GON4L: variants seen among roughly 807,000 people sequenced by gnomAD.
GON4L encodes the protein gon-4 like.
A neutral mutation model predicts 211.8 loss-of-function variants in GON4L; 87 were observed. The ratio of observed to expected loss-of-function variants is 0.41; its 90% CI spans 0.35 to 0.49. The LOEUF (loss-of-function observed/expected upper bound fraction) is 0.49. Among genes scored for constraint, GON4L ranks in the 20% least tolerant of loss-of-function variants. The pLI, the probability that GON4L is intolerant of heterozygous loss-of-function variation, is 0.15. For missense variants in GON4L, 2,155 were observed against 2,659.5 expected, an observed-to-expected ratio of 0.81 and a Z score of 4.17; for synonymous variants, 875 against 962.6, an observed-to-expected ratio of 0.91 and a Z score of 1.68.
chr1:155,771,274 T>G, intron 18 of GON4L, 57 bp from the exon 19 acceptor site: 1 of 1,605,738 alleles, frequency 6.2e-7, no homozygotes, highest in East Asian at 2.2e-5. Context: ...CTAAAGGGTC[T>G]CCCCAGACTA....
Position 155,753,209 on chromosome 1 carries a change from A to G in GON4L, c.5837T>C (p.Val1946Ala). The G allele has an allele frequency of 6.2e-7, 1 of 1,601,496 alleles. No homozygotes were observed. Among genetic ancestry groups the G allele is most frequent in the Non-Finnish European group, 8.5e-7 (1 of 1,173,736 alleles). ...TGCGTTGGCAAATCACTCACCTGAA[A>G]CAGGCATCTCTCCCTTTCTGGTGGT... ...VRTTRKGEMPVSAGLAVGSTL... is the reference protein window; with the variant it reads ...VRTTRKGEMPASAGLAVGSTL... Residue 1946 changes from valine (V) to alanine (A), a missense_variant, in exon 29 of 32, where the codon GTT becomes GCT. Around this residue, in one of 6 missense-constraint regions of GON4L, gnomAD observed 455 missense variants for 504.6 expected, o/e 0.90. Transcript: ENST00000368331.
intron 2 of GON4L, among the ~76,000 whole-genome samples, chr1:155,828,307 G>GA (rs1280837960): frequency 6.6e-6 from 1 of 151,946 alleles, no homozygotes; most frequent in Non-Finnish European, 1.5e-5. Context: ...TGGCCAACAT[G>GA]ATGAAACCTC....
At chr1:155,854,402 G>A (rs995135268) in intron 1 of GON4L, among the ~76,000 whole-genome samples, 2 of 152,210 alleles carry the variant, frequency 1.3e-5, no homozygotes, top group South Asian at 2.1e-4. Flanking sequence ...AGATCCACCC[G>A]CCTCGGCCTC....
chr1:155,845,459 G>A lies in GON4L; in HGVS notation c.505+7817C>T, dbSNP rs947713072. ...GGATCATTTCAACAGAATCAGCAAG[G>A]TTGGAAACCAGAAATGCATTCTTCA... On this transcript the variant is annotated intron_variant, in intron 2 of 31. Transcript: ENST00000368331. 9 of 348,728 alleles carry A rather than the reference G, an allele frequency of 2.6e-5. No homozygotes were observed. In the Admixed American group the frequency reaches 3.1e-4, roughly 12 times the overall value. The allele number at this position is 348,728 out of a possible 1,614,324, so 21.6% of individuals were successfully genotyped here. A position where few individuals can be genotyped will look rare whatever the true frequency, so the allele number is the denominator to read the frequency against.
rs370602869 is a variant in GON4L, at chr1:155,817,921, C to T, written c.1015-1659G>A. Among the ~76,000 whole-genome samples the T allele has an allele frequency of 1.7e-3, 218 of 125,534 alleles. 1 individual carries two copies. The highest frequency in any genetic ancestry group is 6.2e-3 in the African/African-American group (205 of 32,964). The allele number at this position is 125,534 out of a possible 152,430, so 82.4% of individuals were successfully genotyped here. On this transcript the variant is annotated intron_variant, in intron 6 of 31. Coordinates refer to ENST00000368331, the MANE Select transcript of GON4L (RefSeq NM_001282860.2). Reference sequence around the variant, plus strand: ...CTAGCCTGAGCAACAGAGCAAGTCACTGAAAAAAAAAAAAAAAAAAAGAAA... The same window carrying T: ...CTAGCCTGAGCAACAGAGCAAGTCATTGAAAAAAAAAAAAAAAAAAAGAAA...
At position 155,765,926 on chromosome 1, in the gene GON4L, G is replaced by A. The variant is rs770962317; in HGVS notation, c.3547C>T (p.Leu1183Phe). The A allele has an allele frequency of 6.2e-6, 10 of 1,614,178 alleles. No homozygotes were observed. Among genetic ancestry groups the A allele is most frequent in the South Asian group, 1.1e-5 (1 of 91,082 alleles). Reference sequence around the variant, plus strand: ...GGGAAGGAAGTAGGGTTAACCAAGAGGGTAGTGATGGGAATAGTCTGGGGA... The same window carrying A: ...GGGAAGGAAGTAGGGTTAACCAAGAAGGTAGTGATGGGAATAGTCTGGGGA... ...QSPQTIPITT[L>F]LVNPTSFPCP... Residue 1183 changes from leucine (L) to phenylalanine (F), a missense_variant, in exon 21 of 32, where the codon CTC (leucine) becomes TTC (phenylalanine). Coordinates refer to ENST00000368331, the MANE Select transcript of GON4L (RefSeq NM_001282860.2).
chr1:155,776,542 G>A, intron 15 of GON4L, 61 bp from the exon 16 acceptor site: 2 of 1,201,904 alleles, frequency 1.7e-6, no homozygotes, highest in Non-Finnish European at 2.4e-6. Context: ...CAGGAATCCA[G>A]AGAGATCTTT....
In GON4L at chr1:155,813,782, G is replaced by C; in HGVS notation, c.1304C>G (p.Ala435Gly). The C allele has an allele frequency of 6.2e-7, 1 of 1,613,968 alleles. No individual in the cohort carries two copies. The highest frequency in any genetic ancestry group is 8.5e-7 in the Non-Finnish European group (1 of 1,179,864). The change falls in exon 10 of 32, where the codon GCC (alanine) becomes GGC (glycine). Residue 435 changes from alanine (A) to glycine (G), a missense_variant. This residue lies in a region of GON4L where 551 missense variants were observed against 854.0 expected (regional missense o/e 0.65). Transcript: ENST00000368331. ...TACCTCAGCACTGATGTGCCTGATGGCTGGTGTGGTGACTTTCTCAGCCTG... is the reference window on the plus strand; with the variant it reads ...TACCTCAGCACTGATGTGCCTGATGCCTGGTGTGGTGACTTTCTCAGCCTG... ...LSEAEKVTTP[A>G]IRHISAEVVP...
At chr1:155,822,068 C>T (rs1668786325) in intron 4 of GON4L, among the ~76,000 whole-genome samples, 1 of 152,070 alleles carries the variant, frequency 6.6e-6, no homozygotes, top group African/African-American at 2.4e-5. Flanking sequence ...TTTATCTTTC[C>T]AATTAAATTC....
chr1:155,790,716 T>G (rs554806444), intron 12 of GON4L, among the ~76,000 whole-genome samples: 4 of 139,234 alleles, frequency 2.9e-5, no homozygotes, highest in Non-Finnish European at 4.7e-5. Flanking sequence ...GAGGCCGAGG[T>G]GGGCGGATCA....
At chr1:155,749,037 T>C (rs894201953), downstream of GON4L, among the ~76,000 whole-genome samples, 2 of 152,162 alleles carry the variant, frequency 1.3e-5, no homozygotes, top group African/African-American at 4.8e-5. Context: ...GCAGATCACC[T>C]GAGGCCAGGA....
intron 11 of GON4L, among the ~76,000 whole-genome samples, chr1:155,803,618 T>G (rs941456251): frequency 6.6e-6 from 1 of 152,196 alleles, no homozygotes; most frequent in Non-Finnish European, 1.5e-5. Flanking sequence ...ATTACTTCTT[T>G]AGGGTCACCA....
At chr1:155,813,902 T>C in intron 9 of GON4L, 98 bp from the exon 10 acceptor site, 1 of 899,874 alleles carries the variant, frequency 1.1e-6, no homozygotes, top group Admixed American at 2.0e-5. Flanking sequence ...AGGCAGACTT[T>C]CCATACACCA....
chr1:155,812,450 G>A (rs1667871984), intron 10 of GON4L, among the ~76,000 whole-genome samples: 1 of 151,760 alleles, frequency 6.6e-6, no homozygotes, highest in South Asian at 2.1e-4. Flanking sequence ...GTTGAATGCT[G>A]AATAGGGAAA....
intron 11 of GON4L, among the ~76,000 whole-genome samples, chr1:155,800,774 C>T (rs1666572788): frequency 6.6e-6 from 1 of 150,692 alleles, no homozygotes; most frequent in Admixed American, 6.6e-5. Flanking sequence ...GTCGCTTGAA[C>T]CCGGGTGGAG....
At chr1:155,800,555 C>CA (rs201781136) in intron 11 of GON4L, among the ~76,000 whole-genome samples, 30 of 139,828 alleles carry the variant, frequency 2.1e-4, no homozygotes, top group East Asian at 6.3e-4. Context: ...GAAACTCTCT[C>CA]AAAAAAAAAT....
At chr1:155,776,358 C>T in intron 16 of GON4L, 37 bp downstream of exon 16, 1 of 1,316,576 alleles carries the variant, frequency 7.6e-7, no homozygotes, top group Non-Finnish European at 1.1e-6. Flanking sequence ...TAATTTCATA[C>T]TCTAGTCTTT....
chr1:155,750,806 G>A (rs1660491873), intron 31 of GON4L, 73 bp from the exon 32 acceptor site: 1 of 1,428,898 alleles, frequency 7.0e-7, no homozygotes, highest in South Asian at 1.2e-5. Context: ...CTCTGTTGCT[G>A]AGACTGGAGT....
At chr1:155,839,334 T>C (rs1248591197) in intron 2 of GON4L, among the ~76,000 whole-genome samples, 1 of 151,832 alleles carries the variant, frequency 6.6e-6, no homozygotes, top group Non-Finnish European at 1.5e-5. Context: ...TCTAGAGTAG[T>C]AGAATGACTA....
Sources: gnomAD v4.1 joint callset for allele counts (sites outside exome capture counted in the v4.1 genomes callset) on GRCh38, gnomAD v4.1.1 for gene constraint, gnomAD v4.1.1 regional missense constraint, MANE v1.5 for transcripts, NCBI Gene and HGNC (gene_info 2026-07-23, HGNC 2026-07-21) for gene names.